The following OLFM3 variants were observed in gnomAD, a reference collection of about 807,000 sequenced individuals.
OLFM3 encodes noelin-3.
Under a neutral mutation model 48.6 loss-of-function variants are expected in OLFM3, and 20 were observed. That is an observed-to-expected ratio of 0.41 (90% CI 0.29 to 0.60). OLFM3 has a LOEUF of 0.60. OLFM3 is among the 20% of genes least tolerant of loss of function. The pLI is 0.28. For synonymous variants in OLFM3, 222 were observed against 198.1 expected (o/e 1.12, Z -1.01); for missense variants, 437 against 544.3 (o/e 0.80, Z 1.96).
intron 1 of OLFM3, among the ~76,000 whole-genome samples, chr1:101,988,213 T>C (rs1661305788): frequency 6.6e-6 from 1 of 152,114 alleles, no homozygotes; most frequent in South Asian, 2.1e-4. Flanking sequence ...AGACATTACA[T>C]ACAATAAAAG....
At chr1:101,840,212 T>A (rs1655646570) in intron 1 of OLFM3, among the ~76,000 whole-genome samples, 1 of 152,226 alleles carries the variant, frequency 6.6e-6, no homozygotes. Flanking sequence ...CAATAAAACA[T>A]GCAACAGGAA....
At chr1:101,813,461 T>TA (rs1457137952) in intron 4 of OLFM3, among the ~76,000 whole-genome samples, 1 of 152,150 alleles carries the variant, frequency 6.6e-6, no homozygotes, top group Non-Finnish European at 1.5e-5. Flanking sequence ...GTGTGTCTAG[T>TA]AAAAAAATCA....
chr1:101,857,883 T>A (rs1242912587), intron 1 of OLFM3, among the ~76,000 whole-genome samples: 2 of 152,062 alleles, frequency 1.3e-5, no homozygotes, highest in African/African-American at 4.8e-5. Flanking sequence ...ATTGTAATAT[T>A]TTGCACTTCA....
At position 101,885,253 on chromosome 1, in the gene OLFM3, C is replaced by A. The variant is rs72987981; in HGVS notation, c.70-48228G>T. Reference sequence around the variant, plus strand: ...TCAAGAGCTAATAGACACCACACCACAAGAATTAACAGAAGATGACTTTAT... The same window carrying A: ...TCAAGAGCTAATAGACACCACACCAAAAGAATTAACAGAAGATGACTTTAT... On this transcript the variant is annotated intron_variant, in intron 1 of 5. Transcript: ENST00000370103. Among the ~76,000 whole-genome samples the A allele has an allele frequency of 4.1e-3, 617 of 152,090 alleles. 4 individuals are homozygous for A. Among genetic ancestry groups the A allele is most frequent in the African/African-American group, 0.014 (579 of 41,520 alleles).
chr1:101,852,303 C>T lies in OLFM3; in HGVS notation c.70-15278G>A, dbSNP rs183577540. 1.3e-4 allele frequency among the ~76,000 whole-genome samples: 20 copies of T among 152,180 alleles called. No individual in the cohort carries two copies. The East Asian group carries it at 3.3e-3, about 25-fold the overall frequency. ...TGTTTACACTTCTCCACTCTGCTGA[C>T]ACTGCTTTCATCAGGCTACCAGTTA... On this transcript the variant is annotated intron_variant, in intron 1 of 5. Transcript: ENST00000370103.
intron 4 of OLFM3, among the ~76,000 whole-genome samples, chr1:101,821,494 G>T (rs192915189): frequency 1.1e-3 from 160 of 151,984 alleles, no homozygotes; most frequent in African/African-American, 3.7e-3. Flanking sequence ...TGACTGTATG[G>T]CTCTGCCTGG....
intron 1 of OLFM3, among the ~76,000 whole-genome samples, chr1:101,916,963 C>T (rs1658948587): frequency 6.6e-6 from 1 of 152,080 alleles, no homozygotes; most frequent in African/African-American, 2.4e-5. Flanking sequence ...AAAAATGCTG[C>T]ACTAAGCTAT....
Position 101,867,632 on chromosome 1 carries a change from C to T in OLFM3, c.70-30607G>A, listed in dbSNP as rs140917682. 1.7e-4 allele frequency among the ~76,000 whole-genome samples: 26 copies of T among 152,302 alleles called. 1 individual carries two copies. The South Asian group carries it at 4.6e-3, about 27-fold the overall frequency. On this transcript the variant is annotated intron_variant, in intron 1 of 5. Coordinates refer to ENST00000370103, the MANE Select transcript of OLFM3 (RefSeq NM_058170.4). ...TCAGCGATGAAGACCTTGTACTCCA[C>T]GATTAGCCATACCTAGATGTGAATT...
intron 4 of OLFM3, among the ~76,000 whole-genome samples, chr1:101,809,664 A>G (rs368203114): frequency 2.0e-5 from 3 of 151,924 alleles, no homozygotes; most frequent in South Asian, 4.1e-4. Flanking sequence ...CACAGTTCCA[A>G]GAGGGAGGTC....
intron 4 of OLFM3, among the ~76,000 whole-genome samples, chr1:101,816,600 T>C (rs1375798751): frequency 2.0e-5 from 3 of 152,202 alleles, no homozygotes; most frequent in Admixed American, 2.0e-4. Context: ...GTTTCAAATC[T>C]AGGCCACAGC....
intron 4 of OLFM3, chr1:101,812,303 G>A (rs1342108172): frequency 6.3e-6 from 3 of 475,048 alleles, no homozygotes; most frequent in Middle Eastern, 1.0e-3. Context: ...CCTGCACATT[G>A]TGCACATGTA....
intron 1 of OLFM3, among the ~76,000 whole-genome samples, chr1:101,932,655 A>G (rs1553180916): frequency 6.6e-6 from 1 of 152,202 alleles, no homozygotes; most frequent in Non-Finnish European, 1.5e-5. Context: ...AACAAAAAAC[A>G]TGGAAAGAAT....
chr1:101,905,995 T>C (rs1185160072), intron 1 of OLFM3, among the ~76,000 whole-genome samples: 1 of 152,156 alleles, frequency 6.6e-6, no homozygotes, highest in Non-Finnish European at 1.5e-5. Context: ...GGAAAACTCA[T>C]TTTCTCACAT....
intron 1 of OLFM3, among the ~76,000 whole-genome samples, chr1:101,894,638 G>C (rs1408301576): frequency 2.0e-5 from 3 of 151,890 alleles, no homozygotes; most frequent in Non-Finnish European, 4.4e-5. Context: ...TAGAGTATTT[G>C]GCATAATGAA....
chr1:101,824,957 C>T (rs977499633), intron 4 of OLFM3, 69 bp downstream of exon 4: 25 of 1,356,744 alleles, frequency 1.8e-5, no homozygotes, highest in African/African-American at 1.3e-4. Context: ...CTTTATAAAA[C>T]GTAAGAGCAC....
intron 1 of OLFM3, among the ~76,000 whole-genome samples, chr1:101,911,425 T>C (rs773160316): frequency 6.6e-6 from 1 of 152,126 alleles, no homozygotes; most frequent in African/African-American, 2.4e-5. Context: ...TGAAACCTCA[T>C]GGGCCCCTTA....
At chr1:101,955,479 C>T (rs1472489967) in intron 1 of OLFM3, among the ~76,000 whole-genome samples, 4 of 151,848 alleles carry the variant, frequency 2.6e-5, no homozygotes, top group Admixed American at 1.3e-4. Flanking sequence ...ATTCGATAAC[C>T]TATTTTCAGC....
In OLFM3 at chr1:101,946,807, C is replaced by T. The variant is rs114087538; in HGVS notation, c.69+49941G>A. Among the ~76,000 whole-genome samples, 1,037 of 152,192 alleles carry T rather than the reference C, an allele frequency of 6.8e-3. 12 individuals are homozygous for T. The highest frequency in any genetic ancestry group is 0.023 in the African/African-American group (971 of 41,524). On this transcript the variant is annotated intron_variant, in intron 1 of 5. Coordinates refer to ENST00000370103, the MANE Select transcript of OLFM3 (RefSeq NM_058170.4). ...TAGATAAACCAGCCAATAAAATCTA[C>T]AATATCATGTTGTAGGATCGTATAT...
chr1:101,921,265 C>A (rs1355588660), intron 1 of OLFM3, among the ~76,000 whole-genome samples: 1 of 151,442 alleles, frequency 6.6e-6, no homozygotes, highest in Non-Finnish European at 1.5e-5. Context: ...TCTTATAAGG[C>A]TGGTGATTAT....
Sources: allele counts gnomAD v4.1 joint callset (sites outside exome capture counted in the v4.1 genomes callset), GRCh38; gene constraint gnomAD v4.1.1; transcripts MANE v1.5; gene names NCBI Gene and HGNC (gene_info 2026-07-23, HGNC 2026-07-21).